The following APP variants were observed in gnomAD, a reference collection of about 807,000 sequenced individuals.
The protein encoded by APP is amyloid beta precursor protein.
A neutral mutation model predicts 101.4 loss-of-function variants in APP; 31 were observed. The ratio of observed to expected loss-of-function variants is 0.31; its 90% CI spans 0.23 to 0.41. APP has a LOEUF of 0.41. Ranked by LOEUF, APP falls within the 10% of genes least tolerant of loss-of-function variation. The pLI, the probability that APP is intolerant of heterozygous loss-of-function variation, is 1.00. For missense variants in APP, 839 were observed against 1,003.7 expected, an observed-to-expected ratio of 0.84 and a Z score of 2.22; for synonymous variants, 366 against 364.4, an observed-to-expected ratio of 1.00 and a Z score of -0.05.
intron 13 of APP, among the ~76,000 whole-genome samples, chr21:25,935,839 C>CAAAA (rs67114400): frequency 2.5e-4 from 19 of 76,944 alleles, no homozygotes; most frequent in South Asian, 2.4e-3. Flanking sequence ...GACTCTGTCT[C>CAAAA]AAAAAAAAAA....
intron 1 of APP, among the ~76,000 whole-genome samples, chr21:26,167,878 G>A (rs941820143): frequency 8.6e-5 from 13 of 152,042 alleles, no homozygotes; most frequent in African/African-American, 3.1e-4. Context: ...CAGTTATCAT[G>A]GTTTCTCATC....
intron 3 of APP, among the ~76,000 whole-genome samples, chr21:26,067,917 T>TA (rs142161485): frequency 0.083 from 11,947 of 143,196 alleles, 945 homozygotes; most frequent in East Asian, 0.27. Context: ...CTGCCTTATT[T>TA]AAAAAAAAAA....
chr21:26,089,906 C>G, intron 3 of APP, 37 bp downstream of exon 3: 1 of 1,613,154 alleles, frequency 6.2e-7, no homozygotes, highest in Non-Finnish European at 8.5e-7. Context: ...AAGACCAGGC[C>G]CCCAATCAAC....
At chr21:25,959,624 A>G (rs945802135) in intron 11 of APP, among the ~76,000 whole-genome samples, 1 of 152,212 alleles carries the variant, frequency 6.6e-6, no homozygotes, top group Non-Finnish European at 1.5e-5. Flanking sequence ...TCTCTCAATT[A>G]CTGTCCTAGG....
intron 1 of APP, among the ~76,000 whole-genome samples, chr21:26,142,441 A>C (rs144617928): frequency 2.4e-3 from 366 of 152,288 alleles, no homozygotes; most frequent in Non-Finnish European, 4.2e-3. Flanking sequence ...GACCATTTTA[A>C]TACCATTAGA....
intron 1 of APP, among the ~76,000 whole-genome samples, chr21:26,134,529 G>A (rs1255725415): frequency 6.6e-6 from 1 of 152,204 alleles, no homozygotes; most frequent in Non-Finnish European, 1.5e-5. Context: ...TGCACGGGGT[G>A]AGGTGCGGCT....
chr21:25,985,337 T>C (rs2042597071), intron 8 of APP, among the ~76,000 whole-genome samples: 1 of 152,224 alleles, frequency 6.6e-6, no homozygotes, highest in Non-Finnish European at 1.5e-5. Flanking sequence ...AGGGTGCTTC[T>C]GGATGAGATT....
chr21:26,014,409 T>C (rs1011349383), intron 6 of APP, among the ~76,000 whole-genome samples: 2 of 152,248 alleles, frequency 1.3e-5, no homozygotes, highest in East Asian at 1.9e-4. Flanking sequence ...TCTGATTTAC[T>C]TCAAGTATGT....
intron 17 of APP, among the ~76,000 whole-genome samples, chr21:25,884,586 A>G (rs2037203106): frequency 6.8e-6 from 1 of 146,590 alleles, no homozygotes; most frequent in Non-Finnish European, 1.5e-5. Flanking sequence ...TTCACTCTGT[A>G]AATCTGTGTG....
chr21:26,117,048 T>A (rs947924605), intron 1 of APP, among the ~76,000 whole-genome samples: 1 of 152,194 alleles, frequency 6.6e-6, no homozygotes, highest in African/African-American at 2.4e-5. Flanking sequence ...CACGCCCAGA[T>A]AATTTTTGTA....
Position 25,910,947 on chromosome 21 carries a change from G to C in APP, c.1909+794C>G, listed in dbSNP as rs1427910102. 3.3e-5 allele frequency among the ~76,000 whole-genome samples: 5 copies of C among 152,154 alleles called. No individual in the cohort carries two copies. In the East Asian group the frequency reaches 7.7e-4, roughly 23 times the overall value. On this transcript the variant is annotated intron_variant, in intron 14 of 17. Coordinates refer to ENST00000346798, the MANE Select transcript of APP (RefSeq NM_000484.4). ...CTGCAGGCCCTCAAAACTCCTCTCTGTTGGTAAACTGTAATTTTTCCTTAT... is the reference window on the plus strand; with the variant it reads ...CTGCAGGCCCTCAAAACTCCTCTCTCTTGGTAAACTGTAATTTTTCCTTAT...
At chr21:25,895,425 A>G (rs1327227556) in intron 16 of APP, among the ~76,000 whole-genome samples, 2 of 152,138 alleles carry the variant, frequency 1.3e-5, no homozygotes, top group African/African-American at 2.4e-5. Context: ...TGGCCTCCCA[A>G]AGTGCTGGGA....
intron 5 of APP, among the ~76,000 whole-genome samples, chr21:26,042,920 A>C (rs2045439697): frequency 6.6e-6 from 1 of 152,178 alleles, no homozygotes; most frequent in Admixed American, 6.5e-5. Context: ...TCTCCTAAAA[A>C]AAAAAATCAC....
intron 11 of APP, among the ~76,000 whole-genome samples, chr21:25,956,584 CA>C (rs903472255): frequency 7.2e-5 from 11 of 152,052 alleles, no homozygotes; most frequent in Non-Finnish European, 1.5e-4. Flanking sequence ...AACAAACAAA[CA>C]AAAAAACCAG....
chr21:26,001,358 T>C (rs2043285503), intron 6 of APP, among the ~76,000 whole-genome samples: 1 of 152,146 alleles, frequency 6.6e-6, no homozygotes, highest in South Asian at 2.1e-4. Flanking sequence ...AACAGCCCAA[T>C]TCTCTCTCTG....
Position 26,036,970 on chromosome 21 carries a change from A to ATG in APP, c.662+14028_662+14029dup, listed in dbSNP as rs146253714. On this transcript the variant is annotated intron_variant, in intron 5 of 17. Coordinates refer to ENST00000346798, the MANE Select transcript of APP (RefSeq NM_000484.4). ...GAGACTAATGGATGAAGAAAATGTG[A>ATG]TGTGTGTGTGTGTGTGTATGTGTGT... Among the ~76,000 whole-genome samples, 382 of 148,244 alleles carry ATG rather than the reference A, an allele frequency of 2.6e-3. 1 individual carries two copies. The highest frequency in any genetic ancestry group is 4.6e-3 in the South Asian group (21 of 4,546).
intron 1 of APP, among the ~76,000 whole-genome samples, chr21:26,136,481 C>G (rs1170227650): frequency 6.6e-6 from 1 of 152,072 alleles, no homozygotes; most frequent in African/African-American, 2.4e-5. Flanking sequence ...AAGTGTTTTG[C>G]TCCCTAAGGA....
chr21:25,940,951 T>C (rs1302821299), intron 13 of APP, among the ~76,000 whole-genome samples: 1 of 152,216 alleles, frequency 6.6e-6, no homozygotes, highest in Non-Finnish European at 1.5e-5. Flanking sequence ...GCGATGCTGA[T>C]GTTGCTAGAC....
chr21:25,888,895 T>C (rs2037513878), intron 17 of APP, among the ~76,000 whole-genome samples: 1 of 151,804 alleles, frequency 6.6e-6, no homozygotes, highest in Non-Finnish European at 1.5e-5. Flanking sequence ...AAGGAAGGAG[T>C]GTTAAAATGA....
Sources: allele counts gnomAD v4.1 joint callset (sites outside exome capture counted in the v4.1 genomes callset), GRCh38; gene constraint gnomAD v4.1.1; transcripts MANE v1.5; gene names NCBI Gene and HGNC (gene_info 2026-07-23, HGNC 2026-07-21).